MCOLN3: variants seen among roughly 807,000 people sequenced by gnomAD.
MCOLN3 encodes the protein mucolipin TRP cation channel 3, also known as mucolipin-3.
Under a neutral mutation model 69.4 loss-of-function variants are expected in MCOLN3, and 62 were observed. The observed-to-expected ratio is 0.89, with a 90% CI of 0.73 to 1.10. The LOEUF is 1.10. Ranked by LOEUF, MCOLN3 falls within the 50% of genes least tolerant of loss-of-function variation. The pLI is 0.00. For missense variants in MCOLN3, 564 were observed against 656.4 expected, an observed-to-expected ratio of 0.86 and a Z score of 1.54; for synonymous variants, 183 against 217.0, an observed-to-expected ratio of 0.84 and a Z score of 1.38.
At chr1:85,028,981 G>A in intron 7 of MCOLN3, 125 bp downstream of exon 7, 1 of 639,008 alleles carries the variant, frequency 1.6e-6, no homozygotes, top group Non-Finnish European at 2.7e-6. Context: ...ACTTGTAGAG[G>A]TTTAGGGACT....
chr1:85,047,790 T>C (rs1279189768), intron 1 of MCOLN3, among the ~76,000 whole-genome samples: 1 of 152,200 alleles, frequency 6.6e-6, no homozygotes, highest in Non-Finnish European at 1.5e-5. Context: ...ACACTTTTGT[T>C]GGGTAGTGTG....
chr1:85,044,140 T>C (rs537575004), intron 2 of MCOLN3, among the ~76,000 whole-genome samples: 2 of 152,256 alleles, frequency 1.3e-5, no homozygotes, highest in East Asian at 1.9e-4. Flanking sequence ...TTAAATGAAA[T>C]AATGTACTGG....
chr1:85,043,168 T>G lies in MCOLN3; in HGVS notation c.228+1965A>C, dbSNP rs182751955. Among the ~76,000 whole-genome samples the G allele has an allele frequency of 3.3e-3, 505 of 152,286 alleles. 3 individuals carry two copies. The highest frequency in any genetic ancestry group is 0.011 in the African/African-American group (466 of 41,570). ...CTGACTATGACAGGGTCCTTTTCCT[T>G]ACCAAGACCCTCATTGTTCTCCTCT... On this transcript the variant is annotated intron_variant, in intron 2 of 12. Coordinates refer to ENST00000370589, the MANE Select transcript of MCOLN3 (RefSeq NM_018298.11).
At chr1:85,040,625 T>C (rs1283319441) in intron 3 of MCOLN3, among the ~76,000 whole-genome samples, 1 of 152,182 alleles carries the variant, frequency 6.6e-6, no homozygotes, top group Non-Finnish European at 1.5e-5. Flanking sequence ...GTACAAACTA[T>C]GAAAAGTTAA....
chr1:85,019,383 G>T, intron 12 of MCOLN3, 126 bp from the exon 13 acceptor site: 1 of 884,736 alleles, frequency 1.1e-6, no homozygotes, highest in Non-Finnish European at 1.7e-6. Context: ...TTACTCCTGA[G>T]TACCTGCAAA....
rs1571130717 is a variant in MCOLN3, at chr1:85,045,436, T to C, written c.-2-74A>G. On this transcript the variant is annotated intron_variant, in intron 1 of 12. Transcript: ENST00000370589. ...AGTAAAGACACAAGTCCATATTCTT[T>C]AATATTGCAAGGAGAAGCCCATACA... is the stretch of plus-strand genomic sequence containing the variant. 8.3e-6 allele frequency: 10 copies of C among 1,212,066 alleles called. No individual in the cohort carries two copies. In the East Asian group the frequency reaches 2.5e-4, roughly 30 times the overall value. 75.1% of individuals were successfully genotyped at this position (1,212,066 alleles called of 1,614,324 possible).
intron 3 of MCOLN3, among the ~76,000 whole-genome samples, chr1:85,039,138 A>G (rs906648661): frequency 6.6e-6 from 1 of 152,206 alleles, no homozygotes; most frequent in Non-Finnish European, 1.5e-5. Context: ...TGATCAAGAC[A>G]CTTTTTATCT....
chr1:85,042,011 C>T (rs943014364), intron 2 of MCOLN3, among the ~76,000 whole-genome samples: 1 of 151,578 alleles, frequency 6.6e-6, no homozygotes, highest in Non-Finnish European at 1.5e-5. Context: ...ACACACACAC[C>T]ACATGCTGTA....
chr1:85,032,572 A>G, intron 6 of MCOLN3, 124 bp downstream of exon 6: 1 of 758,644 alleles, frequency 1.3e-6, no homozygotes, highest in South Asian at 1.6e-5. Flanking sequence ...TGCTTCCCTT[A>G]TGCACATTCA....
At chr1:85,034,406 T>C (rs183937873) in intron 3 of MCOLN3, among the ~76,000 whole-genome samples, 155 bp from the exon 4 acceptor site, 14 of 152,336 alleles carry the variant, frequency 9.2e-5, no homozygotes, top group Non-Finnish European at 1.6e-4. Flanking sequence ...TGCTGTGCAC[T>C]AGGAAGGCAA....
intron 2 of MCOLN3, among the ~76,000 whole-genome samples, chr1:85,043,975 A>T (rs1359224942): frequency 3.9e-5 from 6 of 151,938 alleles, no homozygotes; most frequent in African/African-American, 1.5e-4. Context: ...GCTGGTCTGG[A>T]ACTCTTGAGC....
Position 85,034,082 on chromosome 1 carries a change from T to C in MCOLN3, c.550+16A>G, listed in dbSNP as rs145136365. On this transcript the variant is annotated intron_variant, in intron 4 of 12. Transcript: ENST00000370589. ...GGTGTTAAAAATTGAGGTTCTAGGT[T>C]ATAGAAGAACATCACCAGTTTCAAT... is the stretch of plus-strand genomic sequence containing the variant. The C allele has an allele frequency of 1.7e-4, 279 of 1,613,926 alleles. 2 individuals are homozygous for C. In the East Asian group the frequency reaches 3.7e-3, roughly 22 times the overall value.
chr1:85,018,383 C>T lies in MCOLN3; in HGVS notation c.*740G>A, dbSNP rs1651763888. ...CTTACCATTGTGTTACAATTGCCTA[C>T]TGTATTCAATACAGTAACATGTTGT... On this transcript the variant is annotated 3_prime_UTR_variant, in exon 13 of 13. Coordinates refer to ENST00000370589, the MANE Select transcript of MCOLN3 (RefSeq NM_018298.11). The T allele has an allele frequency of 6.6e-6, 1 of 152,176 alleles. No homozygotes were observed. Among genetic ancestry groups the T allele is most frequent in the Non-Finnish European group, 1.5e-5 (1 of 68,032 alleles). The allele number at this position is 152,176 out of a possible 1,614,324, so 9.4% of individuals were successfully genotyped here.
intron 11 of MCOLN3, among the ~76,000 whole-genome samples, chr1:85,021,599 T>A (rs1055701251): frequency 2.6e-5 from 4 of 152,242 alleles, no homozygotes; most frequent in Non-Finnish European, 4.4e-5. Context: ...TGTGCAGAGA[T>A]ACCCAGGTCC....
At position 85,025,808 on chromosome 1, in the gene MCOLN3, C is replaced by T. The variant is rs973399781; in HGVS notation, c.1095+131G>A. Reference sequence around the variant, plus strand: ...ACTAGATTTAAGAAAATTACCATTACCAATTTCAAGTCTACTTGATATACA... The same window carrying T: ...ACTAGATTTAAGAAAATTACCATTATCAATTTCAAGTCTACTTGATATACA... On this transcript the variant is annotated intron_variant, in intron 9 of 12. Transcript: ENST00000370589. 1.3e-5 allele frequency: 12 copies of T among 939,002 alleles called. 1 individual carries two copies. Among genetic ancestry groups the T allele is most frequent in the Non-Finnish European group, 1.6e-5 (10 of 626,424 alleles). 58.2% of individuals were successfully genotyped at this position (939,002 alleles called of 1,614,324 possible). A position where few individuals can be genotyped will look rare whatever the true frequency, so the allele number is the denominator to read the frequency against.
intron 9 of MCOLN3, 22 bp from the exon 10 acceptor site, chr1:85,022,422 T>C (rs1216967893): frequency 1.3e-6 from 2 of 1,491,680 alleles, no homozygotes; most frequent in Non-Finnish European, 1.9e-6. Flanking sequence ...TGGAAAAATA[T>C]AATCAGATTA....
At chr1:85,029,538 T>C (rs1652399473) in intron 6 of MCOLN3, 1 of 173,020 alleles carries the variant, frequency 5.8e-6, no homozygotes, top group Admixed American at 6.2e-5. Context: ...GAGCAAGAAC[T>C]GGTACAACTG....
chr1:85,019,045 T>C lies in MCOLN3; in HGVS notation c.*78A>G, dbSNP rs545243053. The C allele has an allele frequency of 2.1e-5, 29 of 1,404,928 alleles. No homozygotes were observed. The highest frequency in any genetic ancestry group is 5.7e-5 in the Admixed American group (3 of 52,706). 87.0% of individuals were successfully genotyped at this position (1,404,928 alleles called of 1,614,324 possible). ...AATAACAGTCTTCAAACATACTACA[T>C]CTGATCTCAGAATATCCACAGTGTT... On this transcript the variant is annotated 3_prime_UTR_variant, in exon 13 of 13. Transcript: ENST00000370589.
chr1:85,021,132 AGAGGCTGATGAAT>A lies in MCOLN3; in HGVS notation c.1452_1464del (p.Phe485LeufsTer4). 5 of 1,612,746 alleles carry A rather than the reference AGAGGCTGATGAAT, an allele frequency of 3.1e-6. No homozygotes were observed. Among genetic ancestry groups the A allele is most frequent in the Non-Finnish European group, 4.2e-6 (5 of 1,179,334 alleles). ...AAAAGACTTAAAATCATATATATAA[AGAGGCTGATGAAT>A]GAGTAGAGGTAAATTCTACTAAACA... On this transcript the variant is annotated frameshift_variant, in exon 12 of 13. Transcript: ENST00000370589. LOFTEE classifies it high-confidence loss of function.
Sources: gnomAD v4.1 joint callset for allele counts (sites outside exome capture counted in the v4.1 genomes callset) on GRCh38, gnomAD v4.1.1 for gene constraint, MANE v1.5 for transcripts, NCBI Gene and HGNC (gene_info 2026-07-23, HGNC 2026-07-21) for gene names.